The following JPH3 variants were observed in gnomAD, a reference collection of about 807,000 sequenced individuals.
JPH3 encodes the protein junctophilin 3.
JPH3 carries 11 observed loss-of-function variants against 59.6 expected under a neutral mutation model. That is an observed-to-expected ratio of 0.18 (90% confidence interval 0.12 to 0.31). The LOEUF is 0.31. Ranked by LOEUF, JPH3 falls within the 10% of genes least tolerant of loss-of-function variation. The pLI is 1.00. For missense variants in JPH3, 1,202 were observed against 1,105.7 expected (o/e 1.09, Z -1.24); for synonymous variants, 673 against 483.6 (o/e 1.39, Z -5.14).
At chr16:87,610,964 C>G (rs1219385430) in intron 1 of JPH3, among the ~76,000 whole-genome samples, 3 of 152,218 alleles carry the variant, frequency 2.0e-5, no homozygotes, top group Non-Finnish European at 4.4e-5. Flanking sequence ...TTCGTTCAGT[C>G]ATTGGAGAAG....
chr16:87,656,181 CTG>C (rs1010730734), intron 2 of JPH3, among the ~76,000 whole-genome samples: 2 of 151,812 alleles, frequency 1.3e-5, no homozygotes, highest in African/African-American at 4.8e-5. Context: ...AGAGCACACT[CTG>C]TGTTGCAGGT....
At chr16:87,681,052 G>A (rs1177428441) in intron 2 of JPH3, among the ~76,000 whole-genome samples, 1 of 152,230 alleles carries the variant, frequency 6.6e-6, no homozygotes, top group Non-Finnish European at 1.5e-5. Flanking sequence ...GCTTACGGGA[G>A]TGGGAGAGAC....
chr16:87,666,515 C>G (rs1028324611), intron 2 of JPH3, among the ~76,000 whole-genome samples: 1 of 152,070 alleles, frequency 6.6e-6, no homozygotes, highest in South Asian at 2.1e-4. Flanking sequence ...CCTTAGCCTC[C>G]TAAGCAGCTG....
At chr16:87,637,408 GAGAGTGTGTGTGTT>G (rs1184510492) in intron 1 of JPH3, among the ~76,000 whole-genome samples, 2 of 132,584 alleles carry the variant, frequency 1.5e-5, no homozygotes, top group Non-Finnish European at 3.2e-5. Flanking sequence ...GAGAGAGAGA[GAGAGTGTGTGTGTT>G]TGTGTGTGTG....
At chr16:87,638,078 C>T (rs1471217302) in intron 1 of JPH3, among the ~76,000 whole-genome samples, 1 of 152,116 alleles carries the variant, frequency 6.6e-6, no homozygotes, top group African/African-American at 2.4e-5. Flanking sequence ...CGCCACCATG[C>T]CCTGCTAATT....
intron 1 of JPH3, among the ~76,000 whole-genome samples, chr16:87,633,271 T>A (rs1344708878): frequency 2.0e-5 from 3 of 151,796 alleles, no homozygotes; most frequent in Non-Finnish European, 4.4e-5. Flanking sequence ...ACACCAGGCC[T>A]ATTGGATGAG....
At chr16:87,610,859 T>C (rs2030704672) in intron 1 of JPH3, among the ~76,000 whole-genome samples, 1 of 152,240 alleles carries the variant, frequency 6.6e-6, no homozygotes, top group Admixed American at 6.5e-5. Flanking sequence ...TAGCATTCAT[T>C]GCAAAGTGCA....
At chr16:87,659,270 A>C (rs1301675790) in intron 2 of JPH3, among the ~76,000 whole-genome samples, 1 of 151,526 alleles carries the variant, frequency 6.6e-6, no homozygotes, top group Non-Finnish European at 1.5e-5. Context: ...CCAGCTACTC[A>C]GGAAGCTGAG....
At chr16:87,670,367 C>T (rs1430615553) in intron 2 of JPH3, among the ~76,000 whole-genome samples, 1 of 152,224 alleles carries the variant, frequency 6.6e-6, no homozygotes. Flanking sequence ...TGGGGAGGTT[C>T]TCCCGGCCAG....
intron 2 of JPH3, among the ~76,000 whole-genome samples, chr16:87,647,132 G>A (rs1490253638): frequency 6.6e-6 from 1 of 152,232 alleles, no homozygotes; most frequent in African/African-American, 2.4e-5. Context: ...TGGGGTTTTG[G>A]GGGGCCCAGG....
chr16:87,646,122 G>C (rs1209395014), intron 2 of JPH3, among the ~76,000 whole-genome samples: 4 of 152,202 alleles, frequency 2.6e-5, no homozygotes, highest in Non-Finnish European at 5.9e-5. Context: ...GGATGGCTTT[G>C]TGTTCTCAGC....
intron 1 of JPH3, among the ~76,000 whole-genome samples, chr16:87,620,479 A>AGGGAGAGAAGGAGAGG (rs1263775669): frequency 1.5e-3 from 154 of 103,698 alleles, no homozygotes; most frequent in African/African-American, 5.8e-3. Context: ...AGAAGGAGAG[A>AGGGAGAGAAGGAGAGG]AGAGAGGGAG....
chr16:87,666,990 G>C (rs575124345), intron 2 of JPH3, among the ~76,000 whole-genome samples: 1 of 152,114 alleles, frequency 6.6e-6, no homozygotes, highest in Non-Finnish European at 1.5e-5. Context: ...CCACAAAACC[G>C]GAGGCTTAAA....
intron 1 of JPH3, among the ~76,000 whole-genome samples, chr16:87,624,444 C>T (rs1472013158): frequency 2.6e-5 from 4 of 152,184 alleles, no homozygotes; most frequent in African/African-American, 9.7e-5. Flanking sequence ...TTCTGTTGCC[C>T]AGCGTTGTTT....
intron 2 of JPH3, among the ~76,000 whole-genome samples, chr16:87,657,356 C>G (rs780773000): frequency 6.6e-5 from 10 of 152,116 alleles, no homozygotes; most frequent in Non-Finnish European, 1.3e-4. Context: ...CAGGGAGATT[C>G]ATGGGGACAG....
At chr16:87,645,853 C>T (rs1209449524) in intron 2 of JPH3, among the ~76,000 whole-genome samples, 2 of 152,182 alleles carry the variant, frequency 1.3e-5, no homozygotes, top group African/African-American at 2.4e-5. Context: ...GGAAGTTCCC[C>T]TGTGGAAAGC....
intron 3 of JPH3, among the ~76,000 whole-genome samples, chr16:87,685,403 G>A (rs746573769): frequency 5.3e-5 from 8 of 152,228 alleles, no homozygotes; most frequent in Admixed American, 3.3e-4. Context: ...AATGGGCCAC[G>A]TGCCCCTGTG....
intron 2 of JPH3, among the ~76,000 whole-genome samples, chr16:87,660,224 C>T (rs906619710): frequency 1.3e-5 from 2 of 152,122 alleles, no homozygotes; most frequent in East Asian, 1.9e-4. Context: ...AGGCCAATGG[C>T]GTCCCTCTGA....
chr16:87,650,851 G>T (rs1465928979), intron 2 of JPH3, among the ~76,000 whole-genome samples: 1 of 152,250 alleles, frequency 6.6e-6, no homozygotes, highest in African/African-American at 2.4e-5. Context: ...AGAACATAAA[G>T]TGCAAGGTGA....
Sources: allele counts gnomAD v4.1 joint callset (sites outside exome capture counted in the v4.1 genomes callset), GRCh38; gene constraint gnomAD v4.1.1; transcripts MANE v1.5; gene names NCBI Gene and HGNC (gene_info 2026-07-23, HGNC 2026-07-21).